Variants in SHROOM2 observed in about 807,000 individuals in gnomAD.
The protein encoded by SHROOM2 is shroom family member 2.
SHROOM2 carries 33 observed loss-of-function variants against 75.9 expected under a neutral mutation model. That is an observed-to-expected ratio of 0.43 (90% CI 0.33 to 0.58). SHROOM2 has a LOEUF of 0.58. Ranked by LOEUF, SHROOM2 falls within the 20% of genes least tolerant of loss-of-function variation. The pLI is 0.04. For synonymous variants in SHROOM2, 655 were observed against 663.6 expected, an observed-to-expected ratio of 0.99 and a Z score of 0.20; for missense variants, 1,434 against 1,461.2, an observed-to-expected ratio of 0.98 and a Z score of 0.30.
chrX:9,806,632 C>T (rs1601916144), intron 1 of SHROOM2, among the ~76,000 whole-genome samples: 1 of 88,109 alleles, frequency 1.1e-5, no homozygotes, highest in Non-Finnish European at 2.1e-5. Context: ...TGGCACTATC[C>T]GGGCTCACTG....
chrX:9,850,024 A>G (rs778373421), intron 1 of SHROOM2, among the ~76,000 whole-genome samples: 1 of 111,572 alleles, frequency 9.0e-6, no homozygotes, highest in East Asian at 2.8e-4. Context: ...ACTGGGGAGA[A>G]CTGAAGGAGA....
chrX:9,802,925 CT>C (rs764750698), intron 1 of SHROOM2, among the ~76,000 whole-genome samples: 1,013 of 86,552 alleles, frequency 0.012, 6 homozygotes, highest in African/African-American at 0.022. Context: ...CTGCAGATTT[CT>C]TTTTTTTTTT....
chrX:9,945,664 A>G (rs765243790), intron 9 of SHROOM2, among the ~76,000 whole-genome samples: 10 of 111,780 alleles, frequency 8.9e-5, no homozygotes, highest in Non-Finnish European at 1.9e-4. Flanking sequence ...GTACTCAATG[A>G]TAGCTATTTT....
At position 9,939,318 on chromosome X, in the gene SHROOM2, C is replaced by T. The variant is rs370681330; in HGVS notation, c.4263C>T (p.His1421=). ...AGGACCTGCAGGAGCAGCAGGAGCACGAAGAGGATTCGGGAAGCGACTTGG... is the reference window on the plus strand; with the variant it reads ...AGGACCTGCAGGAGCAGCAGGAGCATGAAGAGGATTCGGGAAGCGACTTGG... ...KMKDLQEQQE[H]EEDSGSDLDH... is the part of the protein sequence containing the mutation. Residue 1421 remains histidine (H), a synonymous_variant, in exon 8 of 10, where the codon CAC becomes CAT. Coordinates refer to ENST00000380913, the MANE Select transcript of SHROOM2 (RefSeq NM_001649.4). The T allele has an allele frequency of 5.1e-5, 62 of 1,208,722 alleles. No individual in the cohort carries two copies. The highest frequency in any genetic ancestry group is 6.0e-5 in the Non-Finnish European group (54 of 894,422).
intron 1 of SHROOM2, among the ~76,000 whole-genome samples, chrX:9,845,255 G>T (rs763755553): frequency 8.9e-6 from 1 of 112,433 alleles, no homozygotes; most frequent in Admixed American, 9.4e-5. Flanking sequence ...TCTTGTTTTT[G>T]TTTTGCTTTG....
Position 9,936,071 on chromosome X carries a change from G to A in SHROOM2, c.3588-1063G>A, listed in dbSNP as rs185917248. Among the ~76,000 whole-genome samples the A allele has an allele frequency of 6.4e-3, 703 of 109,916 alleles. 7 individuals carry two copies. The highest frequency in any genetic ancestry group is 0.019 in the Middle Eastern group (4 of 214). On this transcript the variant is annotated intron_variant, in intron 6 of 9. Transcript: ENST00000380913. The stretch of plus-strand genomic sequence containing the variant: ...CCCCAGTCTCCCAGGGATGCTTTAG[G>A]TACCTCTCTAGTCCCTTTCATCCAG...
chrX:9,823,763 C>CTTTTTTTT (rs1256233985), intron 1 of SHROOM2, among the ~76,000 whole-genome samples: 1 of 82,044 alleles, frequency 1.2e-5, no homozygotes, highest in Non-Finnish European at 2.3e-5. Flanking sequence ...TTTCTTTTTT[C>CTTTTTTTT]TTTTTTTTTT....
Position 9,822,336 on chromosome X carries a change from G to A in SHROOM2, c.165+35626G>A, listed in dbSNP as rs185344171. 3.8e-3 allele frequency among the ~76,000 whole-genome samples: 425 copies of A among 111,876 alleles called. 2 individuals are homozygous for A. Among genetic ancestry groups the A allele is most frequent in the Admixed American group, 0.012 (132 of 10,613 alleles). ...GAGGCTGCAGTGGGGGAGGTGGGCA[G>A]GAGCCAGGGCCTTGCTCCAGGGCAG... On this transcript the variant is annotated intron_variant, in intron 1 of 9. Transcript: ENST00000380913.
At chrX:9,831,506 A>T (rs968828735) in intron 1 of SHROOM2, among the ~76,000 whole-genome samples, 2 of 111,503 alleles carry the variant, frequency 1.8e-5, no homozygotes, top group Non-Finnish European at 3.8e-5. Context: ...TAAAAATACA[A>T]AATTAGCCGG....
rs1555919559 is a variant in SHROOM2 at position 9,791,968 on chromosome X, C to CGAGAAGAGAAGAGAA, written c.165+5263_165+5264insGAGAAGAGAAGAGAA. Among the ~76,000 whole-genome samples, 5 of 62,841 alleles carry CGAGAAGAGAAGAGAA rather than the reference C, an allele frequency of 8.0e-5. 1 individual carries two copies. The highest frequency in any genetic ancestry group is 5.9e-4 in the East Asian group (1 of 1,688). The allele number at this position is 62,841 out of a possible 115,157, so 54.6% of individuals were successfully genotyped here. A position where few individuals can be genotyped will look rare whatever the true frequency, so the allele number is the denominator to read the frequency against. On this transcript the variant is annotated intron_variant, in intron 1 of 9. Transcript: ENST00000380913. ...GGGCAACAGGAGCAAAACTCCATCTCGAGAATAGAATAGAATAGAATAGAA... is the reference window on the plus strand; with the variant it reads ...GGGCAACAGGAGCAAAACTCCATCTCGAGAAGAGAAGAGAAGAGAATAGAATAGAATAGAATAGAA...
chrX:9,923,822 G>A (rs773301275), intron 5 of SHROOM2, among the ~76,000 whole-genome samples: 3 of 112,428 alleles, frequency 2.7e-5, no homozygotes, highest in East Asian at 5.6e-4. Flanking sequence ...ATCAGTGCCT[G>A]TAACTATGAT....
At chrX:9,937,103 T>C in intron 6 of SHROOM2, 31 bp from the exon 7 acceptor site, 1 of 1,151,711 alleles carries the variant, frequency 8.7e-7, no homozygotes, top group South Asian at 2.0e-5. Flanking sequence ...GGAGCATGCT[T>C]TGCGATTTCA....
At chrX:9,883,512 A>G (rs1196996519) in intron 2 of SHROOM2, among the ~76,000 whole-genome samples, 1 of 110,872 alleles carries the variant, frequency 9.0e-6, no homozygotes, top group Non-Finnish European at 1.9e-5. Context: ...GGAAATGAGA[A>G]TTTGCTTTAT....
At chrX:9,890,583 G>A (rs1002835334) in intron 2 of SHROOM2, among the ~76,000 whole-genome samples, 7 of 113,641 alleles carry the variant, frequency 6.2e-5, no homozygotes, top group Admixed American at 4.6e-4. Context: ...CGCGCTGTGC[G>A]CATTCCCTGA....
intron 5 of SHROOM2, among the ~76,000 whole-genome samples, chrX:9,909,690 A>G (rs915574211): frequency 8.9e-5 from 10 of 112,584 alleles, no homozygotes; most frequent in Admixed American, 4.7e-4. Context: ...TTCCCAATTG[A>G]GAGACATGCT....
chrX:9,892,793 G>A (rs992181933), intron 3 of SHROOM2, among the ~76,000 whole-genome samples: 41 of 112,209 alleles, frequency 3.7e-4, no homozygotes, highest in African/African-American at 1.3e-3. Flanking sequence ...TGGTCACACG[G>A]TTCTCTCATC....
intron 1 of SHROOM2, among the ~76,000 whole-genome samples, chrX:9,840,495 T>C (rs1322658626): frequency 3.6e-5 from 4 of 111,770 alleles, no homozygotes; most frequent in African/African-American, 3.3e-5. Context: ...TCTTGAACTC[T>C]TGGAATCAGG....
intron 1 of SHROOM2, among the ~76,000 whole-genome samples, chrX:9,820,484 C>G (rs2146748909): frequency 9.0e-6 from 1 of 111,167 alleles, no homozygotes; most frequent in South Asian, 3.8e-4. Flanking sequence ...CCCACCTCAG[C>G]CCTCCCAAGT....
At chrX:9,824,975 G>C (rs1037119466) in intron 1 of SHROOM2, among the ~76,000 whole-genome samples, 3 of 111,450 alleles carry the variant, frequency 2.7e-5, no homozygotes, top group Non-Finnish European at 5.7e-5. Context: ...GGGGTGGCAG[G>C]GGTGCTGGGT....
Sources: gnomAD v4.1 joint callset for allele counts (sites outside exome capture counted in the v4.1 genomes callset) on GRCh38, gnomAD v4.1.1 for gene constraint, MANE v1.5 for transcripts, NCBI Gene and HGNC (gene_info 2026-07-23, HGNC 2026-07-21) for gene names.